AJM1: variants seen among roughly 807,000 people sequenced by gnomAD.
The protein encoded by AJM1 is uncharacterized protein C9orf172.
A neutral mutation model predicts 43.0 loss-of-function variants in AJM1; 22 were observed. That is an observed-to-expected ratio of 0.51 (90% confidence interval 0.37 to 0.73). The LOEUF (loss-of-function observed/expected upper bound fraction) is 0.73, where lower values mean the gene tolerates loss of function less well. Ranked by LOEUF, AJM1 falls within the 30% of genes least tolerant of loss-of-function variation. The pLI is 0.00. For synonymous variants in AJM1, 719 were observed against 638.3 expected (o/e 1.13, Z -1.91); for missense variants, 1,305 against 1,343.3 (o/e 0.97, Z 0.45).
Position 136,844,891 on chromosome 9 carries a change from C to T in AJM1, c.477C>T (p.Gly159=). Residue 159 remains glycine, a synonymous_variant, in exon 3 of 3, where the codon GGC becomes GGT. Coordinates refer to ENST00000436881, the MANE Select transcript of AJM1 (RefSeq NM_001080482.5). ...TGCAGCCGCAGCGGGGCGGCCCCGG[C>T]CGCGTCGCGCCCCTGTGCGCCGCCG... ...IKLQPQRGGP[G]RVAPLCAAAG... The T allele has an allele frequency of 4.1e-6, 1 of 245,772 alleles. No individual in the cohort carries two copies. 15.2% of individuals were successfully genotyped at this position (245,772 alleles called of 1,614,324 possible). A position where few individuals can be genotyped will look rare whatever the true frequency, so the allele number is the denominator to read the frequency against.
Position 136,846,485 on chromosome 9 carries a change from A to G in AJM1, c.2071A>G (p.Thr691Ala). The change falls in exon 3 of 3, where the codon ACC (threonine) becomes GCC (alanine). Residue 691 changes from threonine (T) to alanine (A), a missense_variant. By Grantham distance (58) the Thr-to-Ala change is moderately conservative (BLOSUM62 0). Transcript: ENST00000436881. ...LYFKSCHSCY[T>A]YYCSRLCRRE... ...CTTCAAGTCCTGCCACAGCTGCTAC[A>G]CCTACTACTGCTCGCGCCTGTGCCG... The G allele has an allele frequency of 6.3e-7, 1 of 1,592,504 alleles. No homozygotes were observed. The highest frequency in any genetic ancestry group is 8.5e-7 in the Non-Finnish European group (1 of 1,176,294).
At position 136,847,132 on chromosome 9, in the gene AJM1, G is replaced by A. The variant is rs768781018; in HGVS notation, c.2718G>A (p.Leu906=). 5.0e-6 allele frequency: 8 copies of A among 1,594,200 alleles called. No homozygotes were observed. In the East Asian group the frequency reaches 1.8e-4, roughly 36 times the overall value. Residue 906 remains leucine, a synonymous_variant, in exon 3 of 3, where the codon CTG becomes CTA. Coordinates refer to ENST00000436881, the MANE Select transcript of AJM1 (RefSeq NM_001080482.5). ...CCTTCATCCACATCCAGCGCGAGCTGCGGCTGCGCGGCGTCTTCCTGCGCC... is the reference window on the plus strand; with the variant it reads ...CCTTCATCCACATCCAGCGCGAGCTACGGCTGCGCGGCGTCTTCCTGCGCC... ...EVAFIHIQRE[L]RLRGVFLRHE...
In AJM1 at chr9:136,847,252, C is replaced by G; in HGVS notation, c.2838C>G (p.Thr946=). The change falls in exon 3 of 3, where the codon ACC becomes ACG. Residue 946 remains threonine, a synonymous_variant. Coordinates refer to ENST00000436881, the MANE Select transcript of AJM1 (RefSeq NM_001080482.5). Reference sequence around the variant, plus strand: ...CCATCTACCCCACGGACCGGCGCACCGGCCGCCCCTTCATGTGCATGATCA... The same window carrying G: ...CCATCTACCCCACGGACCGGCGCACGGGCCGCCCCTTCATGTGCATGATCA... ...PTTIYPTDRR[T]GRPFMCMIMA... is the part of the protein sequence containing the mutation. 6.2e-7 allele frequency: 1 copy of G among 1,600,450 alleles called. No individual in the cohort carries two copies. Among genetic ancestry groups the G allele is most frequent in the Non-Finnish European group, 8.5e-7 (1 of 1,176,876 alleles).
In AJM1 at chr9:136,847,492, C is replaced by T. The variant is rs1396072048; in HGVS notation, c.*147C>T. The T allele has an allele frequency of 2.1e-5, 13 of 623,560 alleles. No individual in the cohort carries two copies. The highest frequency in any genetic ancestry group is 3.9e-5 in the African/African-American group (2 of 50,828). 38.6% of individuals were successfully genotyped at this position (623,560 alleles called of 1,614,324 possible). A position where few individuals can be genotyped will look rare whatever the true frequency, so the allele number is the denominator to read the frequency against. On this transcript the variant is annotated 3_prime_UTR_variant, in exon 3 of 3. Coordinates refer to ENST00000436881, the MANE Select transcript of AJM1 (RefSeq NM_001080482.5). ...CTAGGCCCCGCCTCTAATTCCCCAG[C>T]CTTCCAAGCTCCGCTCAGTTCGGCC...
At position 136,847,794 on chromosome 9, in the gene AJM1, C is replaced by G. The variant is rs1243698183; in HGVS notation, c.*449C>G. 6.2e-6 allele frequency: 1 copy of G among 161,090 alleles called. No homozygotes were observed. Among genetic ancestry groups the G allele is most frequent in the African/African-American group, 2.4e-5 (1 of 41,832 alleles). The allele number at this position is 161,090 out of a possible 1,614,324, so 10.0% of individuals were successfully genotyped here. On this transcript the variant is annotated 3_prime_UTR_variant, in exon 3 of 3. Coordinates refer to ENST00000436881, the MANE Select transcript of AJM1 (RefSeq NM_001080482.5). ...TAGAGATCCGGTCCCCGTCGGTCCG[C>G]GGGGCTCTCGCTGGAGCCTCCCCGA...
Position 136,847,412 on chromosome 9 carries a change from C to A in AJM1, c.*67C>A, listed in dbSNP as rs991573879. ...CCCTGCCCTGCCCACTCAGGCCCCGCCCGGCCCACCCAGGGCCGCCCCCGA... is the reference window on the plus strand; with the variant it reads ...CCCTGCCCTGCCCACTCAGGCCCCGACCGGCCCACCCAGGGCCGCCCCCGA... On this transcript the variant is annotated 3_prime_UTR_variant, in exon 3 of 3. Coordinates refer to ENST00000436881, the MANE Select transcript of AJM1 (RefSeq NM_001080482.5). The A allele has an allele frequency of 2.3e-6, 3 of 1,298,830 alleles. No homozygotes were observed. The African/African-American group carries it at 4.7e-5, about 20-fold the overall frequency. 80.5% of individuals were successfully genotyped at this position (1,298,830 alleles called of 1,614,324 possible). A position where few individuals can be genotyped will look rare whatever the true frequency, so the allele number is the denominator to read the frequency against.
In AJM1 at chr9:136,848,032, C is replaced by G. The variant is rs1480212147; in HGVS notation, c.*687C>G. 5 of 152,326 alleles carry G rather than the reference C, an allele frequency of 3.3e-5. No homozygotes were observed. Among genetic ancestry groups the G allele is most frequent in the African/African-American group, 4.8e-5 (2 of 41,482 alleles). The allele number at this position is 152,326 out of a possible 1,614,324, so 9.4% of individuals were successfully genotyped here. A position where few individuals can be genotyped will look rare whatever the true frequency, so the allele number is the denominator to read the frequency against. ...GTTCCCGCTGGTCGGAGCCAGCACA[C>G]TAACCACGCCACGCGCCCTGCCGTC... On this transcript the variant is annotated 3_prime_UTR_variant, in exon 3 of 3. Coordinates refer to ENST00000436881, the MANE Select transcript of AJM1 (RefSeq NM_001080482.5).
chr9:136,846,075 C>T lies in AJM1; in HGVS notation c.1661C>T (p.Pro554Leu), dbSNP rs2131217754. The change falls in exon 3 of 3, where the codon CCC (proline) becomes CTC (leucine). Residue 554 changes from proline to leucine, a missense_variant. Transcript: ENST00000436881. ...ERPSARAWEL[P>L]GGRTRPPPHA... ...CCGAGCGCCAGGGCCTGGGAGTTGC[C>T]CGGGGGCCGCACGCGGCCACCTCCC... 8 of 1,533,428 alleles carry T rather than the reference C, an allele frequency of 5.2e-6. No homozygotes were observed. Among genetic ancestry groups the T allele is most frequent in the Non-Finnish European group, 6.1e-6 (7 of 1,143,208 alleles). 95.0% of individuals were successfully genotyped at this position (1,533,428 alleles called of 1,614,324 possible).
Position 136,847,041 on chromosome 9 carries a change from C to T in AJM1, c.2627C>T (p.Thr876Met). The T allele has an allele frequency of 2.2e-6, 3 of 1,356,144 alleles. 1 individual carries two copies. The East Asian group carries it at 8.8e-5, about 40-fold the overall frequency. 84.0% of individuals were successfully genotyped at this position (1,356,144 alleles called of 1,614,324 possible). A position where few individuals can be genotyped will look rare whatever the true frequency, so the allele number is the denominator to read the frequency against. Residue 876 changes from threonine to methionine, a missense_variant, in exon 3 of 3, where the codon ACG (threonine) becomes ATG (methionine). This residue lies in a region of AJM1 where 391 missense variants were observed against 507.5 expected (regional missense o/e 0.77). Transcript: ENST00000436881. The part of the protein sequence containing the change: ...REPDMETLIL[T>M]PPPGTAGLDQ... ...CCCGACATGGAGACGCTGATCCTGA[C>T]GCCACCGCCGGGCACGGCGGGCCTG...
chr9:136,844,589 C>T lies in AJM1; in HGVS notation c.175C>T (p.Leu59=). ...CCGCAGCTTCGACTTCCTGGAGGCG[C>T]TGGACGGGCCGGCCATGGAGACCCT... ...HCRSFDFLEA[L]DGPAMETLPE... is the part of the protein sequence containing the mutation. The change falls in exon 3 of 3, where the codon CTG becomes TTG. Residue 59 remains leucine (L), a synonymous_variant. Transcript: ENST00000436881. The T allele has an allele frequency of 1.3e-6, 2 of 1,588,206 alleles. No homozygotes were observed. Among genetic ancestry groups the T allele is most frequent in the Non-Finnish European group, 1.7e-6 (2 of 1,169,234 alleles).
rs747059901 is a variant in AJM1, at chr9:136,845,135, C to G, written c.721C>G (p.Pro241Ala). 4 of 1,561,660 alleles carry G rather than the reference C, an allele frequency of 2.6e-6. No homozygotes were observed. Among genetic ancestry groups the G allele is most frequent in the Non-Finnish European group, 3.5e-6 (4 of 1,151,146 alleles). ...RHMALSRTPT[P>A]SDSYCADPRA... is the part of the protein sequence containing the mutation. Reference sequence around the variant, plus strand: ...CATGGCGCTGTCGCGCACCCCGACGCCCAGCGACTCATACTGTGCGGATCC... The same window carrying G: ...CATGGCGCTGTCGCGCACCCCGACGGCCAGCGACTCATACTGTGCGGATCC... Residue 241 changes from proline to alanine, a missense_variant, in exon 3 of 3, where the codon CCC (proline) becomes GCC (alanine). Around this residue, in one of 6 missense-constraint regions of AJM1, gnomAD observed 653 missense variants for 549.1 expected, o/e 1.19. Transcript: ENST00000436881.
chr9:136,847,404 A>G lies in AJM1; in HGVS notation c.*59A>G. 2 of 1,330,156 alleles carry G rather than the reference A, an allele frequency of 1.5e-6. No individual in the cohort carries two copies. The highest frequency in any genetic ancestry group is 2.0e-6 in the Non-Finnish European group (2 of 1,024,356). 82.4% of individuals were successfully genotyped at this position (1,330,156 alleles called of 1,614,324 possible). ...GGCCCGAACCCTGCCCTGCCCACTC[A>G]GGCCCCGCCCGGCCCACCCAGGGCC... On this transcript the variant is annotated 3_prime_UTR_variant, in exon 3 of 3. Transcript: ENST00000436881.
chr9:136,845,947 G>A lies in AJM1; in HGVS notation c.1533G>A (p.Thr511=), dbSNP rs1848768352. 2 of 1,553,710 alleles carry A rather than the reference G, an allele frequency of 1.3e-6. No homozygotes were observed. The highest frequency in any genetic ancestry group is 1.9e-5 in the Admixed American group (1 of 51,740). ...ACGCCGCACTGTCCCTGTCCGAGAC[G>A]TCGCTGACGGAGAAGGGCCGCGCGG... ...RRYAALSLSE[T]SLTEKGRAGE... is the part of the protein sequence containing the mutation. Residue 511 remains threonine (T), a synonymous_variant, in exon 3 of 3, where the codon ACG becomes ACA. Transcript: ENST00000436881.
Position 136,847,057 on chromosome 9 carries a change from G to A in AJM1, c.2643G>A (p.Thr881=), listed in dbSNP as rs956401505. 14 of 1,400,998 alleles carry A rather than the reference G, an allele frequency of 1.0e-5. No homozygotes were observed. The African/African-American group carries it at 1.4e-4, about 14-fold the overall frequency. 86.8% of individuals were successfully genotyped at this position (1,400,998 alleles called of 1,614,324 possible). A position where few individuals can be genotyped will look rare whatever the true frequency, so the allele number is the denominator to read the frequency against. Residue 881 remains threonine (T), a synonymous_variant, in exon 3 of 3, where the codon ACG becomes ACA. Transcript: ENST00000436881. ...TGATCCTGACGCCACCGCCGGGCAC[G>A]GCGGGCCTGGATCAGGACGGCGAGG... The part of the protein sequence containing the change: ...ETLILTPPPG[T]AGLDQDGEAG...
At position 136,847,045 on chromosome 9, in the gene AJM1, A is replaced by G. The variant is rs1461747494; in HGVS notation, c.2631A>G (p.Pro877=). The part of the protein sequence containing the change: ...EPDMETLILT[P]PPGTAGLDQD... Reference sequence around the variant, plus strand: ...ACATGGAGACGCTGATCCTGACGCCACCGCCGGGCACGGCGGGCCTGGATC... The same window carrying G: ...ACATGGAGACGCTGATCCTGACGCCGCCGCCGGGCACGGCGGGCCTGGATC... Residue 877 remains proline (P), a synonymous_variant, in exon 3 of 3, where the codon CCA becomes CCG. Transcript: ENST00000436881. 29 of 1,363,750 alleles carry G rather than the reference A, an allele frequency of 2.1e-5. No homozygotes were observed. The highest frequency in any genetic ancestry group is 2.8e-5 in the Non-Finnish European group (29 of 1,021,908). The allele number at this position is 1,363,750 out of a possible 1,614,324, so 84.5% of individuals were successfully genotyped here.
Position 136,847,376 on chromosome 9 carries a change from G to A in AJM1, c.*31G>A. ...CGGGCCCACCAGGCCTAGCCCAGGC[G>A]CTGGCCCGAACCCTGCCCTGCCCAC... On this transcript the variant is annotated 3_prime_UTR_variant, in exon 3 of 3. Transcript: ENST00000436881. 2 of 1,454,444 alleles carry A rather than the reference G, an allele frequency of 1.4e-6. No homozygotes were observed. The highest frequency in any genetic ancestry group is 9.1e-7 in the Non-Finnish European group (1 of 1,102,014). 90.1% of individuals were successfully genotyped at this position (1,454,444 alleles called of 1,614,324 possible).
rs1283942857 is a variant in AJM1, at chr9:136,844,581, T to A, written c.167T>A (p.Leu56Gln). ...CGCCACTGCCGCAGCTTCGACTTCC[T>A]GGAGGCGCTGGACGGGCCGGCCATG... ...NKRHCRSFDF[L>Q]EALDGPAMET... The change falls in exon 3 of 3, where the codon CTG becomes CAG. Residue 56 changes from leucine (L) to glutamine (Q), a missense_variant. Leu to Gln is a moderately radical substitution (Grantham distance 113). Around this residue, in one of 6 missense-constraint regions of AJM1, gnomAD observed 128 missense variants for 120.6 expected, o/e 1.06. Transcript: ENST00000436881. 6.3e-7 allele frequency: 1 copy of A among 1,592,914 alleles called. No individual in the cohort carries two copies. Among genetic ancestry groups the A allele is most frequent in the Non-Finnish European group, 8.5e-7 (1 of 1,171,640 alleles).
At position 136,844,855 on chromosome 9, in the gene AJM1, T is replaced by C. The variant is rs775488295; in HGVS notation, c.441T>C (p.His147=). The part of the protein sequence containing the change: ...PALRALANEL[H]PIKLQPQRGG... ...TCCGCGCCCTTGCCAACGAGCTGCATCCCATCAAGTTGCAGCCGCAGCGGG... is the reference window on the plus strand; with the variant it reads ...TCCGCGCCCTTGCCAACGAGCTGCACCCCATCAAGTTGCAGCCGCAGCGGG... The change falls in exon 3 of 3, where the codon CAT becomes CAC. Residue 147 remains histidine, a synonymous_variant. Coordinates refer to ENST00000436881, the MANE Select transcript of AJM1 (RefSeq NM_001080482.5). 8 of 233,184 alleles carry C rather than the reference T, an allele frequency of 3.4e-5. No individual in the cohort carries two copies. The South Asian group carries it at 4.6e-4, about 13-fold the overall frequency. 14.4% of individuals were successfully genotyped at this position (233,184 alleles called of 1,614,324 possible). A position where few individuals can be genotyped will look rare whatever the true frequency, so the allele number is the denominator to read the frequency against.
Position 136,845,439 on chromosome 9 carries a change from G to T in AJM1, c.1025G>T (p.Arg342Leu), listed in dbSNP as rs747373398. The T allele has an allele frequency of 1.2e-6, 2 of 1,611,614 alleles. No homozygotes were observed. Among genetic ancestry groups the T allele is most frequent in the Non-Finnish European group, 1.7e-6 (2 of 1,179,526 alleles). Residue 342 changes from arginine to leucine, a missense_variant, in exon 3 of 3, where the codon CGC becomes CTC. This residue lies in a region of AJM1 where 653 missense variants were observed against 549.1 expected (regional missense o/e 1.19). Coordinates refer to ENST00000436881, the MANE Select transcript of AJM1 (RefSeq NM_001080482.5). The stretch of plus-strand genomic sequence containing the variant: ...TTCCCAATCCAGGAACCGCCCTCCC[G>T]CTCCTACTATGGGGAGGCTCCACGA... ...RTFPIQEPPS[R>L]SYYGEAPRAY... is the part of the protein sequence containing the mutation.
Sources: gnomAD v4.1 joint callset for allele counts on GRCh38, gnomAD v4.1.1 for gene constraint, gnomAD v4.1.1 regional missense constraint, MANE v1.5 for transcripts, NCBI Gene and HGNC (gene_info 2026-07-23, HGNC 2026-07-21) for gene names.